The following ABI3BP variants were observed in gnomAD, a reference collection of about 807,000 sequenced individuals.
The protein encoded by ABI3BP is target of Nesh-SH3.
In ABI3BP, 216 loss-of-function variants were observed where a neutral mutation model predicts 268.6. That is an observed-to-expected ratio of 0.80 (90% CI 0.72 to 0.90). The LOEUF is 0.90. Ranked by LOEUF, ABI3BP falls within the 40% of genes least tolerant of loss-of-function variation. The pLI is 0.00. For missense variants in ABI3BP, 2,090 were observed against 2,182.4 expected, an observed-to-expected ratio of 0.96 and a Z score of 0.84; for synonymous variants, 730 against 730.0, an observed-to-expected ratio of 1.00 and a Z score of 0.00.
intron 1 of ABI3BP, among the ~76,000 whole-genome samples, chr3:100,974,560 G>C (rs1334215827): frequency 6.6e-6 from 1 of 152,134 alleles, no homozygotes; most frequent in East Asian, 1.9e-4. Context: ...TATAGGGAGA[G>C]AAATCAGATC....
intron 7 of ABI3BP, among the ~76,000 whole-genome samples, chr3:100,876,084 T>C (rs56340171): frequency 6.6e-6 from 1 of 152,284 alleles, no homozygotes; most frequent in African/African-American, 2.4e-5. Flanking sequence ...ATTTTAATAA[T>C]TTGAAAAACC....
chr3:100,834,036 T>C (rs576915721), intron 29 of ABI3BP, among the ~76,000 whole-genome samples: 1 of 152,222 alleles, frequency 6.6e-6, no homozygotes, highest in East Asian at 1.9e-4. Flanking sequence ...AAGGGTGCAA[T>C]TGTAGCTCAC....
intron 1 of ABI3BP, among the ~76,000 whole-genome samples, chr3:100,949,609 G>A (rs2074060147): frequency 6.6e-6 from 1 of 152,118 alleles, no homozygotes; most frequent in South Asian, 2.1e-4. Flanking sequence ...TCGTTTTTGG[G>A]ATAAGGTATT....
chr3:100,840,104 G>C lies in ABI3BP; in HGVS notation c.1865C>G (p.Thr622Arg), dbSNP rs1220440911. The stretch of plus-strand genomic sequence containing the variant: ...GGACTTGGGCACTTCTGGACTAGGT[G>C]TGGTTTTAGGGCGGGGACGGGGGCG... ...RPRPRPRPKTTPSPEVPKSKP... is the reference protein window; with the variant it reads ...RPRPRPRPKTRPSPEVPKSKP... The change falls in exon 23 of 68, where the codon ACA (threonine) becomes AGA (arginine). Residue 622 changes from threonine (T) to arginine (R), a missense_variant. Thr to Arg is a moderately conservative substitution (Grantham distance 71). Transcript: ENST00000471714. 6.6e-7 allele frequency: 1 copy of C among 1,524,658 alleles called. No homozygotes were observed. The highest frequency in any genetic ancestry group is 8.8e-7 in the Non-Finnish European group (1 of 1,140,648). The allele number at this position is 1,524,658 out of a possible 1,614,324, so 94.4% of individuals were successfully genotyped here.
intron 51 of ABI3BP, among the ~76,000 whole-genome samples, chr3:100,797,055 A>G (rs1012035018): frequency 1.3e-5 from 2 of 152,100 alleles, no homozygotes; most frequent in African/African-American, 2.4e-5. Flanking sequence ...AGTGCTTGTT[A>G]CTTAGTAAAT....
At chr3:100,773,062 A>G (rs1488713572) in intron 61 of ABI3BP, among the ~76,000 whole-genome samples, 1 of 147,730 alleles carries the variant, frequency 6.8e-6, no homozygotes, top group Admixed American at 7.0e-5. Context: ...TGGGCAACAG[A>G]GCGAGAGTCC....
intron 1 of ABI3BP, among the ~76,000 whole-genome samples, chr3:100,939,632 A>G (rs1301906237): frequency 6.6e-6 from 1 of 152,106 alleles, no homozygotes; most frequent in African/African-American, 2.4e-5. Flanking sequence ...GTAATAGAAT[A>G]TCACAAGGCA....
chr3:100,948,049 G>T (rs902740633), intron 1 of ABI3BP, among the ~76,000 whole-genome samples: 1 of 152,148 alleles, frequency 6.6e-6, no homozygotes, highest in African/African-American at 2.4e-5. Flanking sequence ...AGGTGCTGAG[G>T]GAGGAAGTAG....
chr3:100,905,361 T>C (rs1484786742), intron 2 of ABI3BP, among the ~76,000 whole-genome samples: 1 of 152,108 alleles, frequency 6.6e-6, no homozygotes, highest in Non-Finnish European at 1.5e-5. Context: ...TGTATACATA[T>C]GTAACTAACC....
chr3:100,866,890 C>T lies in ABI3BP; in HGVS notation c.977G>A (p.Arg326Gln), dbSNP rs751074977. Residue 326 changes from arginine to glutamine, a missense_variant, in exon 10 of 68, where the codon CGA (arginine) becomes CAA (glutamine). By Grantham distance (43) the Arg-to-Gln change is conservative. Coordinates refer to ENST00000471714, the MANE Select transcript of ABI3BP (RefSeq NM_001375547.2). Reference protein sequence around the residue: ...KTPEVEKISARPTTVTPETVP... With the variant: ...KTPEVEKISAQPTTVTPETVP... ...AGCGATCTCATTACCTGTTGTGGGT[C>T]GTGCTGAGATTTTTTCAACCTCTGG... The T allele has an allele frequency of 2.5e-6, 4 of 1,613,522 alleles. No individual in the cohort carries two copies. Among genetic ancestry groups the T allele is most frequent in the Non-Finnish European group, 2.5e-6 (3 of 1,179,674 alleles).
intron 3 of ABI3BP, among the ~76,000 whole-genome samples, chr3:100,900,146 TG>T (rs1231447370): frequency 3.3e-5 from 5 of 152,250 alleles, no homozygotes; most frequent in Non-Finnish European, 7.3e-5. Flanking sequence ...ATCATTTACA[TG>T]GTTGGAAACA....
chr3:100,841,415 A>C (rs1400646176), intron 21 of ABI3BP, among the ~76,000 whole-genome samples: 1 of 152,082 alleles, frequency 6.6e-6, no homozygotes, highest in Non-Finnish European at 1.5e-5. Flanking sequence ...CTCCCTGGCA[A>C]TAAACAGGTT....
intron 1 of ABI3BP, among the ~76,000 whole-genome samples, chr3:100,972,558 T>C (rs2084110957): frequency 6.6e-6 from 1 of 152,218 alleles, no homozygotes; most frequent in Non-Finnish European, 1.5e-5. Context: ...TAAATAAACA[T>C]TTCCATTAGG....
At chr3:100,777,313 G>A (rs2096732876) in intron 59 of ABI3BP, among the ~76,000 whole-genome samples, 1 of 152,174 alleles carries the variant, frequency 6.6e-6, no homozygotes, top group Admixed American at 6.5e-5. Context: ...TGGGGAACAT[G>A]CTGAAATTTG....
Position 100,874,940 on chromosome 3 carries a change from G to A in ABI3BP, c.818-7C>T, listed in dbSNP as rs767112198. On this transcript the variant is annotated splice_polypyrimidine_tract_variant and splice_region_variant and intron_variant, in intron 8 of 67. Transcript: ENST00000471714. ...CCTGGAATAATAAGGTGGACTGCAA[G>A]GAAATAGATGTAAATAAGATAAGGG... 4.0e-6 allele frequency: 6 copies of A among 1,518,012 alleles called. No individual in the cohort carries two copies. The highest frequency in any genetic ancestry group is 3.5e-5 in the South Asian group (3 of 84,868). 94.0% of individuals were successfully genotyped at this position (1,518,012 alleles called of 1,614,324 possible). A position where few individuals can be genotyped will look rare whatever the true frequency, so the allele number is the denominator to read the frequency against.
chr3:100,835,489 G>A lies in ABI3BP; in HGVS notation c.2191+112C>T, dbSNP rs986475856. 29 of 771,042 alleles carry A rather than the reference G, an allele frequency of 3.8e-5. No individual in the cohort carries two copies. The Admixed American group carries it at 7.1e-4, about 19-fold the overall frequency. 47.8% of individuals were successfully genotyped at this position (771,042 alleles called of 1,614,324 possible). A position where few individuals can be genotyped will look rare whatever the true frequency, so the allele number is the denominator to read the frequency against. ...AATGAAGAATATAGTTCAATGACAA[G>A]AGGATGATGAGAAAATCTTATGAAA... is the stretch of plus-strand genomic sequence containing the variant. On this transcript the variant is annotated intron_variant, in intron 28 of 67. Transcript: ENST00000471714.
At chr3:100,761,415 C>G (rs1419642676) in intron 63 of ABI3BP, among the ~76,000 whole-genome samples, 1 of 152,072 alleles carries the variant, frequency 6.6e-6, no homozygotes, top group Admixed American at 6.5e-5. Context: ...CTGGGGAGGC[C>G]CCTTAAGGCC....
intron 1 of ABI3BP, among the ~76,000 whole-genome samples, chr3:100,940,968 C>T (rs1040116239): frequency 6.8e-6 from 1 of 147,926 alleles, no homozygotes; most frequent in Non-Finnish European, 1.5e-5. Flanking sequence ...TCAGAAAATA[C>T]AAGAAAAAAT....
At chr3:100,818,073 G>A (rs897662161) in intron 41 of ABI3BP, among the ~76,000 whole-genome samples, 7 of 152,014 alleles carry the variant, frequency 4.6e-5, no homozygotes, top group Admixed American at 1.3e-4. Flanking sequence ...CAAGACTTAC[G>A]TACATTTTAC....
Sources: allele counts gnomAD v4.1 joint callset (sites outside exome capture counted in the v4.1 genomes callset), GRCh38; gene constraint gnomAD v4.1.1; transcripts MANE v1.5; gene names NCBI Gene and HGNC (gene_info 2026-07-23, HGNC 2026-07-21).